Variants in MAK16 observed in about 807,000 individuals in gnomAD.
MAK16 encodes MAK16 homolog.
In MAK16, 12 loss-of-function variants were observed where a neutral mutation model predicts 49.9. The ratio of observed to expected loss-of-function variants is 0.24; its 90% CI spans 0.15 to 0.39. The LOEUF (loss-of-function observed/expected upper bound fraction) is 0.39. Ranked by LOEUF, MAK16 falls within the 10% of genes least tolerant of loss-of-function variation. MAK16 has a pLI of 1.00. For missense variants in MAK16, 292 were observed against 363.7 expected (o/e 0.80, Z 1.60); for synonymous variants, 115 against 126.4 (o/e 0.91, Z 0.60).
At chr8:33,490,138 C>T in intron 5 of MAK16, 147 bp from the exon 6 acceptor site, 1 of 617,524 alleles carries the variant, frequency 1.6e-6, no homozygotes, top group Non-Finnish European at 2.8e-6. Flanking sequence ...TCGCTAGCCT[C>T]CGTGAATGCC....
At chr8:33,488,495 C>G (rs749957377) in intron 2 of MAK16, 25 bp from the exon 3 acceptor site, 4 of 1,613,772 alleles carry the variant, frequency 2.5e-6, no homozygotes, top group Non-Finnish European at 3.4e-6. Context: ...ATTTTATAAT[C>G]TTTGTTTCTT....
chr8:33,495,615 C>T lies in MAK16; in HGVS notation c.521C>T (p.Thr174Met), dbSNP rs150362163. ...KELLERLKQD[T>M]YGDIYNFPIH... is the part of the protein sequence containing the mutation. ...TTACTGGAGAGACTGAAACAAGATACGGTGAGAAAGCCATTAGCTTTGGGG... is the reference window on the plus strand; with the variant it reads ...TTACTGGAGAGACTGAAACAAGATATGGTGAGAAAGCCATTAGCTTTGGGG... The change falls in exon 7 of 10, where the codon ACG becomes ATG. Residue 174 changes from threonine (T) to methionine (M), a missense_variant and splice_region_variant. Transcript: ENST00000360128. 32 of 1,568,604 alleles carry T rather than the reference C, an allele frequency of 2.0e-5. No individual in the cohort carries two copies. Among genetic ancestry groups the T allele is most frequent in the Middle Eastern group, 3.4e-4 (2 of 5,842 alleles).
rs141076708 is a variant in MAK16 at position 33,494,974 on chromosome 8, G to A, written c.448-568G>A. 3.2e-4 allele frequency among the ~76,000 whole-genome samples: 48 copies of A among 152,172 alleles called. 2 individuals are homozygous for A. The East Asian group carries it at 8.5e-3, about 27-fold the overall frequency. On this transcript the variant is annotated intron_variant, in intron 6 of 9. Coordinates refer to ENST00000360128, the MANE Select transcript of MAK16 (RefSeq NM_032509.4). ...TCCATGTGCCCCTACACAGTTTTAC[G>A]TAATCATTCTAACATAACTTACAGA...
chr8:33,498,556 A>G lies in MAK16; in HGVS notation c.830A>G (p.Gln277Arg), dbSNP rs6468171. The change falls in exon 10 of 10, where the codon CAG becomes CGG. Residue 277 changes from glutamine to arginine, a missense_variant. Gln to Arg is a conservative substitution (Grantham distance 43). Transcript: ENST00000360128. ...KGKMPLRGPL[Q>R]RKRAYVEIEY... ...AAAATGCCCTTGAGAGGACCACTGCAGAGAAAACGAGCCTATGTGGAAATA... is the reference window on the plus strand; with the variant it reads ...AAAATGCCCTTGAGAGGACCACTGCGGAGAAAACGAGCCTATGTGGAAATA... 972,836 of 1,613,662 alleles carry G rather than the reference A, an allele frequency of 0.6. 296,261 individuals are homozygous for G. Among genetic ancestry groups the G allele is most frequent in the African/African-American group, 0.68 (50,983 of 74,914 alleles).
intron 9 of MAK16, 47 bp downstream of exon 9, chr8:33,497,344 A>G: frequency 1.5e-6 from 2 of 1,311,136 alleles, no homozygotes; most frequent in Non-Finnish European, 2.1e-6. Context: ...GCAGCAAAAA[A>G]AAAAAAAAAA....
intron 1 of MAK16, among the ~76,000 whole-genome samples, chr8:33,487,460 CTG>C (rs1808706360): frequency 6.7e-6 from 1 of 149,086 alleles, no homozygotes; most frequent in African/African-American, 2.5e-5. Context: ...GATTCTCACT[CTG>C]TCGCCCAGGC....
chr8:33,485,235 G>C lies in MAK16; in HGVS notation c.15+14G>C. The C allele has an allele frequency of 6.2e-7, 1 of 1,614,214 alleles. No homozygotes were observed. The highest frequency in any genetic ancestry group is 8.5e-7 in the Non-Finnish European group (1 of 1,180,048). On this transcript the variant is annotated intron_variant, in intron 1 of 9. Transcript: ENST00000360128. ...CAGTCGGATGATGTGAGTCTCCTCCGGTTGTTCTTACACCCGGGGTTTGCG... is the reference window on the plus strand; with the variant it reads ...CAGTCGGATGATGTGAGTCTCCTCCCGTTGTTCTTACACCCGGGGTTTGCG...
In MAK16 at chr8:33,498,870, GA is replaced by G. The variant is rs1808950668; in HGVS notation, c.*244del. 1.7e-6 allele frequency: 1 copy of G among 583,748 alleles called. No individual in the cohort carries two copies. The highest frequency in any genetic ancestry group is 3.0e-6 in the Non-Finnish European group (1 of 332,234). 36.2% of individuals were successfully genotyped at this position (583,748 alleles called of 1,614,324 possible). On this transcript the variant is annotated 3_prime_UTR_variant, in exon 10 of 10. Transcript: ENST00000360128. ...TGTTGAAGTAACAGCTTGTGCCCGA[GA>G]AACTTAACAGATGAGTTCTTGAATC...
At chr8:33,497,010 A>G (rs1384019429) in intron 8 of MAK16, among the ~76,000 whole-genome samples, 1 of 152,216 alleles carries the variant, frequency 6.6e-6, no homozygotes, top group East Asian at 1.9e-4. Context: ...GTTTTTAACC[A>G]TAATGAGGAT....
rs183790299 is a variant in MAK16, at chr8:33,488,707, A to G, written c.176-27A>G. 4,235 of 1,613,262 alleles carry G rather than the reference A, an allele frequency of 2.6e-3. 56 individuals are homozygous for G. Among genetic ancestry groups the G allele is most frequent in the Non-Finnish European group, 1.4e-3 (1,598 of 1,179,210 alleles). ...ATGTTCTTTAGTTTCTGTAAATAACACTAAAGCTATTTTACTTTATCTTCA... is the reference window on the plus strand; with the variant it reads ...ATGTTCTTTAGTTTCTGTAAATAACGCTAAAGCTATTTTACTTTATCTTCA... On this transcript the variant is annotated intron_variant, in intron 3 of 9. Coordinates refer to ENST00000360128, the MANE Select transcript of MAK16 (RefSeq NM_032509.4).
intron 1 of MAK16, 65 bp downstream of exon 1, chr8:33,485,286 A>T: frequency 6.2e-7 from 1 of 1,604,294 alleles, no homozygotes; most frequent in Non-Finnish European, 8.5e-7. Context: ...ATTTTCGGAC[A>T]CTTAGAAAAC....
rs1180781831 is a variant in MAK16 at position 33,488,406 on chromosome 8, A to T, written c.44A>T (p.Gln15Leu). The part of the protein sequence containing the change: ...DVIWDTLGNK[Q>L]FCSFKIRTKT... The stretch of plus-strand genomic sequence containing the variant: ...ATCTGGGATACACTAGGAAACAAGC[A>T]ATTTTGTTCCTTCAAAATAAGGTGA... Residue 15 changes from glutamine to leucine, a missense_variant, in exon 2 of 10, where the codon CAA (glutamine) becomes CTA (leucine). By Grantham distance (113) the Gln-to-Leu change is moderately radical. Transcript: ENST00000360128. The T allele has an allele frequency of 6.2e-7, 1 of 1,614,216 alleles. No individual in the cohort carries two copies. Among genetic ancestry groups the T allele is most frequent in the South Asian group, 1.1e-5 (1 of 91,088 alleles).
Position 33,500,615 on chromosome 8 carries a change from A to G in MAK16, c.*1986A>G, listed in dbSNP as rs536389167. The stretch of plus-strand genomic sequence containing the variant: ...ATTAAGGAACTTAGGTCAAAGTTAA[A>G]TGAAAAAGACCTAAAAACAGAACCA... On this transcript the variant is annotated 3_prime_UTR_variant, in exon 10 of 10. Coordinates refer to ENST00000360128, the MANE Select transcript of MAK16 (RefSeq NM_032509.4). 113 of 1,207,230 alleles carry G rather than the reference A, an allele frequency of 9.4e-5. No homozygotes were observed. The South Asian group carries it at 1.7e-3, about 18-fold the overall frequency. The allele number at this position is 1,207,230 out of a possible 1,614,324, so 74.8% of individuals were successfully genotyped here.
Position 33,498,902 on chromosome 8 carries a change from T to C in MAK16, c.*273T>C. 1 of 579,110 alleles carries C rather than the reference T, an allele frequency of 1.7e-6. No individual in the cohort carries two copies. Among genetic ancestry groups the C allele is most frequent in the Non-Finnish European group, 3.0e-6 (1 of 329,136 alleles). The allele number at this position is 579,110 out of a possible 1,614,324, so 35.9% of individuals were successfully genotyped here. A position where few individuals can be genotyped will look rare whatever the true frequency, so the allele number is the denominator to read the frequency against. The stretch of plus-strand genomic sequence containing the variant: ...AACAGATGAGTTCTTGAATCTGGGA[T>C]GAGATGACGGATGTAAATATTTCTA... On this transcript the variant is annotated 3_prime_UTR_variant, in exon 10 of 10. Transcript: ENST00000360128.
chr8:33,490,529 GTGTGCTTTGGGGATA>G (rs1808761789), intron 6 of MAK16, among the ~76,000 whole-genome samples, 190 bp downstream of exon 6: 1 of 152,176 alleles, frequency 6.6e-6, no homozygotes, highest in East Asian at 1.9e-4. Context: ...GTTAAAGTAT[GTGTGCTTTGGGGATA>G]TATGTAATGG....
chr8:33,496,534 C>A, intron 7 of MAK16, 91 bp from the exon 8 acceptor site: 1 of 918,618 alleles, frequency 1.1e-6, no homozygotes, highest in Non-Finnish European at 1.7e-6. Context: ...GATTTAATCA[C>A]TGAGGAAAAA....
rs1808996558 is a variant in MAK16 at position 33,499,762 on chromosome 8, G to A, written c.*1133G>A. 2 of 162,270 alleles carry A rather than the reference G, an allele frequency of 1.2e-5. No individual in the cohort carries two copies. Among genetic ancestry groups the A allele is most frequent in the Admixed American group, 6.0e-5 (1 of 16,626 alleles). 10.1% of individuals were successfully genotyped at this position (162,270 alleles called of 1,614,324 possible). Reference sequence around the variant, plus strand: ...TCTTCAACTAAAGATTTCTAAAAGGGGTAAGAAATGAGGCAGTAGTTTATT... The same window carrying A: ...TCTTCAACTAAAGATTTCTAAAAGGAGTAAGAAATGAGGCAGTAGTTTATT... On this transcript the variant is annotated 3_prime_UTR_variant, in exon 10 of 10. Transcript: ENST00000360128.
Position 33,498,651 on chromosome 8 carries a change from CCAGG to C in MAK16, c.*23_*26del. ...GTGATTTCCCTTTCAGCATTTATAC[CCAGG>C]ACTGAACATGCAGAACTGTTTTTTT... On this transcript the variant is annotated 3_prime_UTR_variant, in exon 10 of 10. Coordinates refer to ENST00000360128, the MANE Select transcript of MAK16 (RefSeq NM_032509.4). 6.3e-7 allele frequency: 1 copy of C among 1,594,976 alleles called. No homozygotes were observed. Among genetic ancestry groups the C allele is most frequent in the Admixed American group, 1.7e-5 (1 of 58,258 alleles).
chr8:33,491,627 CTTTT>C (rs554026888), intron 6 of MAK16, among the ~76,000 whole-genome samples: 1 of 89,892 alleles, frequency 1.1e-5, no homozygotes, highest in Admixed American at 1.4e-4. Flanking sequence ...CTGCCCCCTG[CTTTT>C]TTTTTTTTTT....
Sources: allele counts gnomAD v4.1 joint callset (sites outside exome capture counted in the v4.1 genomes callset), GRCh38; gene constraint gnomAD v4.1.1; transcripts MANE v1.5; gene names NCBI Gene and HGNC (gene_info 2026-07-23, HGNC 2026-07-21).